NAXD: variants seen among roughly 807,000 people sequenced by gnomAD.
The protein encoded by NAXD is NAD(P)HX dehydratase.
In NAXD, 22 loss-of-function variants were observed where a neutral mutation model predicts 35.8. The observed-to-expected ratio is 0.62, with a 90% CI of 0.44 to 0.88. The LOEUF is 0.88. Among genes scored for constraint, NAXD ranks in the 40% least tolerant of loss-of-function variants. The pLI is 0.00. For missense variants in NAXD, 428 were observed against 437.7 expected (o/e 0.98, Z 0.20); for synonymous variants, 189 against 177.6 (o/e 1.06, Z -0.51).
intron 1 of NAXD, 32 bp from the exon 2 acceptor site, chr13:110,622,183 CT>C (rs1886293179): frequency 6.3e-7 from 1 of 1,581,478 alleles, no homozygotes; most frequent in East Asian, 2.2e-5. Flanking sequence ...ATCTGTTTAC[CT>C]TTCTGAATTA....
Position 110,627,479 on chromosome 13 carries a change from C to T in NAXD, c.373C>T (p.Pro125Ser). 2 of 1,613,498 alleles carry T rather than the reference C, an allele frequency of 1.2e-6. No homozygotes were observed. Among genetic ancestry groups the T allele is most frequent in the East Asian group, 2.2e-5 (1 of 44,876 alleles). ...NAVHEVEKWLPRLHALVVGPG... is the reference protein window; with the variant it reads ...NAVHEVEKWLSRLHALVVGPG... The stretch of plus-strand genomic sequence containing the variant: ...TGTTCATGAGGTGGAGAAGTGGCTG[C>T]CCCGGCTGCATGCTCTTGTCGTAGG... Residue 125 changes from proline to serine, a missense_variant, in exon 5 of 10, where the codon CCC becomes TCC. Physicochemically the swap from Pro to Ser is moderately conservative, Grantham distance 74. Transcript: ENST00000680254.
intron 7 of NAXD, 62 bp from the exon 8 acceptor site, chr13:110,635,406 T>A: frequency 6.3e-7 from 1 of 1,582,356 alleles, no homozygotes; most frequent in African/African-American, 1.3e-5. Context: ...GGGACAGGGC[T>A]ATCTGTCGTC....
intron 5 of NAXD, among the ~76,000 whole-genome samples, chr13:110,629,253 C>T (rs2148081): frequency 0.15 from 22,509 of 152,224 alleles, 1,965 homozygotes; most frequent in Admixed American, 0.26. Flanking sequence ...GGATTCAAGA[C>T]GCCCGTGGGA....
intron 1 of NAXD, among the ~76,000 whole-genome samples, chr13:110,617,041 AC>A (rs1482407074): frequency 1.3e-5 from 2 of 152,150 alleles, no homozygotes; most frequent in African/African-American, 2.4e-5. Context: ...AAATTCACAC[AC>A]CGTGATTAGT....
At chr13:110,629,872 C>G (rs533920196) in intron 5 of NAXD, among the ~76,000 whole-genome samples, 1 of 152,312 alleles carries the variant, frequency 6.6e-6, no homozygotes, top group East Asian at 1.9e-4. Context: ...TTCTCCACAT[C>G]GTTCCCAGCA....
intron 3 of NAXD, among the ~76,000 whole-genome samples, 187 bp downstream of exon 3, chr13:110,624,466 A>AT (rs962465233): frequency 4.6e-5 from 7 of 151,334 alleles, no homozygotes; most frequent in African/African-American, 9.7e-5. Context: ...GTTGAAGCTC[A>AT]TTTTTTTTTG....
intron 8 of NAXD, 43 bp downstream of exon 8, chr13:110,635,631 A>G: frequency 6.2e-7 from 1 of 1,606,170 alleles, no homozygotes; most frequent in South Asian, 1.1e-5. Context: ...GTGCCAGGTC[A>G]GTCAGCATGG....
intron 4 of NAXD, 50 bp from the exon 5 acceptor site, chr13:110,627,388 AG>A: frequency 8.7e-7 from 1 of 1,152,516 alleles, no homozygotes. Context: ...CATGACAGTA[AG>A]TAAATGAGGA....
chr13:110,627,520 A>G lies in NAXD; in HGVS notation c.414A>G (p.Arg138=). 6.2e-7 allele frequency: 1 copy of G among 1,613,852 alleles called. No homozygotes were observed. The highest frequency in any genetic ancestry group is 1.1e-5 in the South Asian group (1 of 91,062). Residue 138 remains arginine (R), a synonymous_variant, in exon 5 of 10, where the codon AGA becomes AGG. Transcript: ENST00000680254. ...HALVVGPGLG[R]DDALLRNVQG... is the part of the protein sequence containing the mutation. ...TTGTCGTAGGACCTGGCTTGGGTAG[A>G]GATGATGCGCTTCTCAGAAATGTCC...
intron 2 of NAXD, among the ~76,000 whole-genome samples, chr13:110,623,701 T>C (rs1006826161): frequency 6.6e-6 from 1 of 152,254 alleles, no homozygotes; most frequent in Non-Finnish European, 1.5e-5. Flanking sequence ...GAAGGTTTTA[T>C]GTAAAAGATC....
intron 1 of NAXD, 25 bp from the exon 2 acceptor site, chr13:110,622,191 A>G: frequency 6.3e-7 from 1 of 1,595,638 alleles, no homozygotes; most frequent in South Asian, 1.1e-5. Flanking sequence ...ACCTTTCTGA[A>G]TTATTCATTT....
intron 8 of NAXD, among the ~76,000 whole-genome samples, chr13:110,636,516 G>A (rs927378212): frequency 1.2e-4 from 19 of 152,372 alleles, no homozygotes; most frequent in Middle Eastern, 3.4e-3. Flanking sequence ...GGAACACAGA[G>A]CAGATGTTCT....
chr13:110,622,597 T>A (rs1474148439), intron 2 of NAXD, among the ~76,000 whole-genome samples: 1 of 152,228 alleles, frequency 6.6e-6, no homozygotes, highest in East Asian at 1.9e-4. Context: ...TTTGTCGTAG[T>A]GGGGAAATGA....
In NAXD at chr13:110,634,848, A is replaced by T. The variant is rs910814453; in HGVS notation, c.597+72A>T. The T allele has an allele frequency of 1.8e-5, 21 of 1,150,268 alleles. No homozygotes were observed. The African/African-American group carries it at 3.0e-4, about 17-fold the overall frequency. The allele number at this position is 1,150,268 out of a possible 1,614,324, so 71.3% of individuals were successfully genotyped here. A position where few individuals can be genotyped will look rare whatever the true frequency, so the allele number is the denominator to read the frequency against. ...CTGAAGAGGGTGAAGGACGAGCTCCATGCTTCTGCCCAGCCTGTCCCTGTG... is the reference window on the plus strand; with the variant it reads ...CTGAAGAGGGTGAAGGACGAGCTCCTTGCTTCTGCCCAGCCTGTCCCTGTG... On this transcript the variant is annotated intron_variant, in intron 7 of 9. Coordinates refer to ENST00000680254, the MANE Select transcript of NAXD (RefSeq NM_001242882.2).
chr13:110,627,648 G>A (rs972573485), intron 5 of NAXD, 101 bp downstream of exon 5: 14 of 766,558 alleles, frequency 1.8e-5, no homozygotes, highest in Middle Eastern at 5.8e-4. Flanking sequence ...TGTTCCGTGT[G>A]CCTCTTTGTG....
intron 1 of NAXD, among the ~76,000 whole-genome samples, chr13:110,621,816 G>T (rs1886276649): frequency 6.6e-6 from 1 of 152,170 alleles, no homozygotes; most frequent in Non-Finnish European, 1.5e-5. Context: ...GATCACTTGA[G>T]GTCAGGAGTT....
At chr13:110,636,447 G>C (rs1395664973) in intron 8 of NAXD, among the ~76,000 whole-genome samples, 1 of 152,074 alleles carries the variant, frequency 6.6e-6, no homozygotes, top group Admixed American at 6.6e-5. Flanking sequence ...CACATGCATG[G>C]TCATGCTCAC....
intron 1 of NAXD, 72 bp downstream of exon 1, chr13:110,615,719 C>T: frequency 6.6e-7 from 1 of 1,514,170 alleles, no homozygotes; most frequent in Non-Finnish European, 8.8e-7. Context: ...CCGGCGCGGT[C>T]GTTGTCGCAT....
At chr13:110,617,613 A>T (rs1886107219) in intron 1 of NAXD, among the ~76,000 whole-genome samples, 1 of 152,234 alleles carries the variant, frequency 6.6e-6, no homozygotes, top group Non-Finnish European at 1.5e-5. Flanking sequence ...CCTGGATTTT[A>T]CTTTGTGTTA....
Sources: gnomAD v4.1 joint callset for allele counts (sites outside exome capture counted in the v4.1 genomes callset) on GRCh38, gnomAD v4.1.1 for gene constraint, MANE v1.5 for transcripts, NCBI Gene and HGNC (gene_info 2026-07-23, HGNC 2026-07-21) for gene names.